Variants in UBE2W observed in about 807,000 individuals in gnomAD.
The protein encoded by UBE2W is ubiquitin-conjugating enzyme E2 W.
A neutral mutation model predicts 27.2 loss-of-function variants in UBE2W; 18 were observed. The ratio of observed to expected loss-of-function variants is 0.66; its 90% CI spans 0.46 to 0.98. The LOEUF is 0.98. Among genes scored for constraint, UBE2W ranks in the 50% least tolerant of loss-of-function variants. The pLI is 0.00. For missense variants in UBE2W, 90 were observed against 180.2 expected (o/e 0.50, Z 2.87); for synonymous variants, 53 against 57.2 (o/e 0.93, Z 0.33).
chr8:73,807,033 T>C lies in UBE2W; in HGVS notation c.367-1307A>G, dbSNP rs114820719. Among the ~76,000 whole-genome samples, 650 of 152,308 alleles carry C rather than the reference T, an allele frequency of 4.3e-3. 6 individuals are homozygous for C. Among genetic ancestry groups the C allele is most frequent in the African/African-American group, 0.015 (624 of 41,570 alleles). Reference sequence around the variant, plus strand: ...TATGGAAGAGACTTTTCCTGAAATTTGTTGCATACTGCCTAGACAAAAGAA... The same window carrying C: ...TATGGAAGAGACTTTTCCTGAAATTCGTTGCATACTGCCTAGACAAAAGAA... On this transcript the variant is annotated intron_variant, in intron 4 of 5. Coordinates refer to ENST00000602593, the MANE Select transcript of UBE2W (RefSeq NM_018299.6).
At chr8:73,825,044 T>TC (rs1809779792) in intron 3 of UBE2W, 103 bp downstream of exon 3, 1 of 656,276 alleles carries the variant, frequency 1.5e-6, no homozygotes, top group Non-Finnish European at 2.6e-6. Context: ...AACAAATCCA[T>TC]CTACATACGT....
At chr8:73,796,452 C>A (rs1243983683) in intron 5 of UBE2W, among the ~76,000 whole-genome samples, 1 of 152,148 alleles carries the variant, frequency 6.6e-6, no homozygotes, top group Admixed American at 6.5e-5. Flanking sequence ...CAGGTGGTAG[C>A]ACAAATGCAT....
At chr8:73,781,168 G>T (rs1289420835) in intron 4 of UBE2W, among the ~76,000 whole-genome samples, 2 of 151,374 alleles carry the variant, frequency 1.3e-5, no homozygotes, top group African/African-American at 4.9e-5. Flanking sequence ...TACTTAGGAG[G>T]CTGAGGCAGG....
At chr8:73,804,572 GATA>G (rs201825249) in intron 5 of UBE2W, among the ~76,000 whole-genome samples, 19,185 of 150,344 alleles carry the variant, frequency 0.13, 1,351 homozygotes, top group Middle Eastern at 0.18. Flanking sequence ...TTTTTTAAGG[GATA>G]ATGATTAGAA....
At chr8:73,813,351 C>T (rs755084043) in intron 3 of UBE2W, among the ~76,000 whole-genome samples, 2 of 152,176 alleles carry the variant, frequency 1.3e-5, no homozygotes, top group Non-Finnish European at 2.9e-5. Context: ...CAGTAGAAAA[C>T]ACCTACAGCA....
At chr8:73,800,310 G>A (rs1808585395) in intron 5 of UBE2W, among the ~76,000 whole-genome samples, 1 of 152,186 alleles carries the variant, frequency 6.6e-6, no homozygotes, top group South Asian at 2.1e-4. Flanking sequence ...AAACAAAGTT[G>A]TCCCTTAAAA....
At position 73,793,925 on chromosome 8, in the gene UBE2W, T is replaced by C; in HGVS notation, c.*177A>G. ...ATAAAAGCATGTCAGTTGCCTGGACTGAACCAGCGATCAACATGCGCCCAG... is the reference window on the plus strand; with the variant it reads ...ATAAAAGCATGTCAGTTGCCTGGACCGAACCAGCGATCAACATGCGCCCAG... On this transcript the variant is annotated 3_prime_UTR_variant, in exon 6 of 6. Coordinates refer to ENST00000602593, the MANE Select transcript of UBE2W (RefSeq NM_018299.6). 1 of 1,442,208 alleles carries C rather than the reference T, an allele frequency of 6.9e-7. No individual in the cohort carries two copies. Among genetic ancestry groups the C allele is most frequent in the Non-Finnish European group, 9.1e-7 (1 of 1,095,782 alleles). The allele number at this position is 1,442,208 out of a possible 1,614,324, so 89.3% of individuals were successfully genotyped here. A position where few individuals can be genotyped will look rare whatever the true frequency, so the allele number is the denominator to read the frequency against.
At chr8:73,865,388 G>A (rs1402790412) in intron 1 of UBE2W, among the ~76,000 whole-genome samples, 1 of 152,118 alleles carries the variant, frequency 6.6e-6, no homozygotes. Context: ...TGAGGCAGGA[G>A]GACTGCTTGA....
intron 1 of UBE2W, among the ~76,000 whole-genome samples, chr8:73,847,231 C>T (rs1376247598): frequency 2.6e-5 from 4 of 152,038 alleles, no homozygotes; most frequent in East Asian, 3.9e-4. Flanking sequence ...CACAAAAACA[C>T]CATAATGGCT....
chr8:73,794,629 C>T (rs545879074), intron 5 of UBE2W, among the ~76,000 whole-genome samples: 13 of 152,148 alleles, frequency 8.5e-5, no homozygotes, highest in South Asian at 4.1e-4. Context: ...AGGCCGGACA[C>T]GGTGGCTCAC....
intron 3 of UBE2W, among the ~76,000 whole-genome samples, chr8:73,824,859 T>C (rs1809768563): frequency 2.0e-5 from 3 of 152,306 alleles, no homozygotes; most frequent in African/African-American, 7.2e-5. Context: ...GTCCACAGCA[T>C]GGGGGTTGGG....
chr8:73,825,992 T>C (rs756838298), intron 2 of UBE2W, among the ~76,000 whole-genome samples: 18 of 152,162 alleles, frequency 1.2e-4, no homozygotes, highest in Non-Finnish European at 2.4e-4. Context: ...GAAATACGTA[T>C]AGACAATGAC....
At chr8:73,861,136 T>C (rs1246244922) in intron 1 of UBE2W, among the ~76,000 whole-genome samples, 2 of 151,940 alleles carry the variant, frequency 1.3e-5, no homozygotes, top group Non-Finnish European at 2.9e-5. Flanking sequence ...ATAATAAAAA[T>C]AAAATGGAAA....
chr8:73,853,046 A>G (rs1252047394), intron 1 of UBE2W, among the ~76,000 whole-genome samples: 1 of 152,162 alleles, frequency 6.6e-6, no homozygotes, highest in East Asian at 1.9e-4. Context: ...TTGCGAGGTA[A>G]CTAGATCATA....
intron 1 of UBE2W, among the ~76,000 whole-genome samples, chr8:73,857,693 G>T (rs919180699): frequency 6.6e-6 from 1 of 152,110 alleles, no homozygotes; most frequent in African/African-American, 2.4e-5. Flanking sequence ...GCAGACGCCT[G>T]TAGTCCCAGC....
intron 1 of UBE2W, among the ~76,000 whole-genome samples, chr8:73,868,022 C>G (rs527452964): frequency 2.6e-5 from 4 of 152,312 alleles, no homozygotes; most frequent in African/African-American, 9.6e-5. Flanking sequence ...AAATATATAT[C>G]TTCATCCAGC....
At chr8:73,821,932 G>T (rs1369118672) in intron 3 of UBE2W, among the ~76,000 whole-genome samples, 1 of 152,084 alleles carries the variant, frequency 6.6e-6, no homozygotes, top group African/African-American at 2.4e-5. Context: ...GATAGTCAAG[G>T]CCTGTAAAGT....
chr8:73,802,500 T>C (rs1196381112), intron 5 of UBE2W, among the ~76,000 whole-genome samples: 2 of 152,248 alleles, frequency 1.3e-5, no homozygotes, highest in South Asian at 2.1e-4. Flanking sequence ...TATAATTGAA[T>C]GTTTAATTTC....
At chr8:73,830,904 T>C (rs951189336) in intron 1 of UBE2W, among the ~76,000 whole-genome samples, 2 of 152,228 alleles carry the variant, frequency 1.3e-5, no homozygotes, top group African/African-American at 4.8e-5. Context: ...TAGCCCCTTA[T>C]ATATTCTATA....
Sources: gnomAD v4.1 joint callset for allele counts (sites outside exome capture counted in the v4.1 genomes callset) on GRCh38, gnomAD v4.1.1 for gene constraint, MANE v1.5 for transcripts, NCBI Gene and HGNC (gene_info 2026-07-23, HGNC 2026-07-21) for gene names.